Variants in KIRREL1 observed in about 807,000 individuals in gnomAD.
KIRREL1 encodes kirre like nephrin family adhesion molecule 1, also known as kin of IRRE-like protein 1.
KIRREL1 carries 25 observed loss-of-function variants against 83.3 expected under a neutral mutation model. The observed-to-expected ratio is 0.30, with a 90% confidence interval of 0.22 to 0.42. KIRREL1 has a LOEUF of 0.42. KIRREL1 is among the 10% of genes least tolerant of loss of function. KIRREL1 has a pLI of 1.00. For synonymous variants in KIRREL1, 388 were observed against 410.4 expected (o/e 0.95, Z 0.66); for missense variants, 812 against 1,032.3 (o/e 0.79, Z 2.92).
At chr1:158,087,195 T>TG (rs1662041574) in intron 5 of KIRREL1, among the ~76,000 whole-genome samples, 1 of 152,196 alleles carries the variant, frequency 6.6e-6, no homozygotes. Flanking sequence ...CAGATGCTGC[T>TG]GGGGATCTTA....
chr1:158,090,724 T>C (rs1429158544), intron 10 of KIRREL1, among the ~76,000 whole-genome samples: 1 of 152,154 alleles, frequency 6.6e-6, no homozygotes, highest in East Asian at 1.9e-4. Flanking sequence ...TGGATCAGTC[T>C]CAGAGCCAGC....
intron 1 of KIRREL1, among the ~76,000 whole-genome samples, chr1:158,006,875 C>T (rs1659533265): frequency 6.6e-6 from 1 of 152,212 alleles, no homozygotes; most frequent in African/African-American, 2.4e-5. Context: ...GCCTCACAGC[C>T]AGGGCCAGTT....
intron 1 of KIRREL1, among the ~76,000 whole-genome samples, chr1:158,025,371 C>G (rs1275067617): frequency 6.6e-6 from 1 of 151,924 alleles, no homozygotes; most frequent in East Asian, 1.9e-4. Flanking sequence ...TGGGAATAAG[C>G]AGAGCAGAGG....
At chr1:158,042,550 A>G (rs529616616) in intron 1 of KIRREL1, among the ~76,000 whole-genome samples, 156 of 152,230 alleles carry the variant, frequency 1.0e-3, no homozygotes, top group African/African-American at 3.7e-3. Context: ...AGATTATGGA[A>G]GCAGAGCTCC....
At chr1:158,024,599 G>A (rs1449634257) in intron 1 of KIRREL1, among the ~76,000 whole-genome samples, 1 of 152,112 alleles carries the variant, frequency 6.6e-6, no homozygotes, top group African/African-American at 2.4e-5. Context: ...GTTTTGAACA[G>A]GTATTGTTAA....
At chr1:158,035,544 A>G (rs1660452916) in intron 1 of KIRREL1, among the ~76,000 whole-genome samples, 1 of 152,320 alleles carries the variant, frequency 6.6e-6, no homozygotes, top group East Asian at 1.9e-4. Flanking sequence ...TAGATATTCT[A>G]CTTACTGTTG....
chr1:158,008,724 C>G (rs1322689503), intron 1 of KIRREL1, among the ~76,000 whole-genome samples: 8 of 152,138 alleles, frequency 5.3e-5, no homozygotes, highest in African/African-American at 1.9e-4. Context: ...GGGAGCTGCG[C>G]CAGGTGTTTC....
At chr1:158,007,498 T>C (rs1659553020) in intron 1 of KIRREL1, among the ~76,000 whole-genome samples, 1 of 152,106 alleles carries the variant, frequency 6.6e-6, no homozygotes, top group South Asian at 2.1e-4. Context: ...CTTTGTCAAA[T>C]GTGGTCCCTG....
intron 1 of KIRREL1, among the ~76,000 whole-genome samples, chr1:158,006,187 T>C (rs1196918478): frequency 1.3e-5 from 2 of 152,212 alleles, no homozygotes; most frequent in East Asian, 1.9e-4. Flanking sequence ...AAAATGTCTC[T>C]CTTTAGGTTG....
At chr1:158,025,118 A>T (rs1465723970) in intron 1 of KIRREL1, among the ~76,000 whole-genome samples, 1 of 152,196 alleles carries the variant, frequency 6.6e-6, no homozygotes, top group Non-Finnish European at 1.5e-5. Flanking sequence ...CACATTCTGG[A>T]CTAATGCGTG....
chr1:158,057,293 T>C (rs990643522), intron 1 of KIRREL1, among the ~76,000 whole-genome samples: 4 of 152,162 alleles, frequency 2.6e-5, no homozygotes, highest in Admixed American at 6.5e-5. Context: ...GCCAGCTCTT[T>C]CTGTTATCCC....
intron 1 of KIRREL1, among the ~76,000 whole-genome samples, chr1:158,057,500 A>G (rs1661098077): frequency 6.6e-6 from 1 of 152,116 alleles, no homozygotes; most frequent in Non-Finnish European, 1.5e-5. Flanking sequence ...TATTCATGCC[A>G]CTGAGCTCTT....
intron 1 of KIRREL1, among the ~76,000 whole-genome samples, chr1:158,002,583 T>C (rs1276840024): frequency 2.0e-5 from 3 of 152,206 alleles, no homozygotes; most frequent in Non-Finnish European, 4.4e-5. Context: ...GGCCTGGGAA[T>C]GAAAAGGTAG....
At chr1:158,062,518 G>A (rs1661242528) in intron 1 of KIRREL1, among the ~76,000 whole-genome samples, 1 of 152,356 alleles carries the variant, frequency 6.6e-6, no homozygotes. Context: ...GGGGATTCTA[G>A]GAGCGCCTTT....
At chr1:158,036,357 A>C (rs1334453260) in intron 1 of KIRREL1, among the ~76,000 whole-genome samples, 1 of 152,206 alleles carries the variant, frequency 6.6e-6, no homozygotes, top group Non-Finnish European at 1.5e-5. Flanking sequence ...AGTGATAGAC[A>C]GTTTAGGTGG....
Position 158,094,177 on chromosome 1 carries a change from G to A in KIRREL1, c.1720-136G>A, listed in dbSNP as rs931489011. 1.4e-5 allele frequency: 10 copies of A among 739,766 alleles called. No individual in the cohort carries two copies. Among genetic ancestry groups the A allele is most frequent in the Admixed American group, 8.2e-5 (4 of 48,500 alleles). The allele number at this position is 739,766 out of a possible 1,614,324, so 45.8% of individuals were successfully genotyped here. On this transcript the variant is annotated intron_variant, in intron 13 of 14. Transcript: ENST00000359209. The surrounding 1 kb of genome is among the most constrained non-coding windows in gnomAD (Gnocchi z 4.6). ...CCACATCCCAGAGCCTCTGCTGAGA[G>A]GACCAGAACTCAAGTCTGCCCTTGA...
intron 1 of KIRREL1, among the ~76,000 whole-genome samples, chr1:158,004,262 T>C (rs1057456769): frequency 7.9e-5 from 12 of 152,248 alleles, no homozygotes; most frequent in African/African-American, 2.9e-4. Context: ...TTATTAATAT[T>C]GCACAGTCCT....
chr1:158,058,992 G>A (rs1661140932), intron 1 of KIRREL1, among the ~76,000 whole-genome samples: 2 of 152,166 alleles, frequency 1.3e-5, no homozygotes, highest in Admixed American at 1.3e-4. Context: ...GGACCCGGAG[G>A]GAGAGATCCC....
intron 1 of KIRREL1, among the ~76,000 whole-genome samples, chr1:158,039,263 C>T (rs550261621): frequency 2.0e-5 from 3 of 152,334 alleles, no homozygotes; most frequent in Non-Finnish European, 4.4e-5. Context: ...GCCCTGACTG[C>T]TCAGCAGTAA....
Sources: allele counts gnomAD v4.1 joint callset (sites outside exome capture counted in the v4.1 genomes callset), GRCh38; gene constraint gnomAD v4.1.1; non-coding constraint Gnocchi (gnomAD v3.1); transcripts MANE v1.5; gene names NCBI Gene and HGNC (gene_info 2026-07-23, HGNC 2026-07-21).